Variants in HTR1E observed in about 807,000 individuals in gnomAD.
HTR1E encodes the protein 5-hydroxytryptamine receptor 1E.
HTR1E carries 3 observed loss-of-function variants against 3.4 expected under a neutral mutation model. The ratio of observed to expected loss-of-function variants is 0.89; its 90% CI spans 0.41 to 2.31. HTR1E has a LOEUF of 2.31. Ranked by LOEUF, HTR1E falls within the 30% of genes most tolerant of loss-of-function variation. The pLI is 0.05. For synonymous variants in HTR1E, 170 were observed against 182.8 expected (o/e 0.93, Z 0.56); for missense variants, 392 against 467.0 (o/e 0.84, Z 1.48).
intron 1 of HTR1E, among the ~76,000 whole-genome samples, chr6:86,949,351 G>A (rs1030047563): frequency 7.2e-5 from 11 of 152,202 alleles, no homozygotes; most frequent in South Asian, 4.1e-4. Context: ...CTACGTAAGT[G>A]TGTCCCTGCT....
At chr6:86,998,481 G>A (rs1767975107) in intron 1 of HTR1E, among the ~76,000 whole-genome samples, 1 of 152,042 alleles carries the variant, frequency 6.6e-6, no homozygotes, top group African/African-American at 2.4e-5. Context: ...TAAATATTGT[G>A]TAAGTCAAAT....
intron 1 of HTR1E, among the ~76,000 whole-genome samples, chr6:86,961,206 T>G (rs1221772954): frequency 1.3e-5 from 2 of 152,198 alleles, no homozygotes; most frequent in East Asian, 3.8e-4. Context: ...CTTGTTGCTA[T>G]GGAAGTCAAA....
At position 87,009,990 on chromosome 6, in the gene HTR1E, G is replaced by T. The variant is rs1294152944; in HGVS notation, c.-185-5160G>T. On this transcript the variant is annotated intron_variant, in intron 1 of 1. Coordinates refer to ENST00000305344, the MANE Select transcript of HTR1E (RefSeq NM_000865.3). The stretch of plus-strand genomic sequence containing the variant: ...GAGGCGCCCCTCACCTCCCAGACGG[G>T]GTGGCTGGCCGGGCGGAGGGCTGAC... 3.0e-5 allele frequency among the ~76,000 whole-genome samples: 4 copies of T among 131,360 alleles called. No homozygotes were observed. The South Asian group carries it at 7.6e-4, about 25-fold the overall frequency. The allele number at this position is 131,360 out of a possible 152,430, so 86.2% of individuals were successfully genotyped here. A position where few individuals can be genotyped will look rare whatever the true frequency, so the allele number is the denominator to read the frequency against.
chr6:86,945,995 T>C (rs1197547528), intron 1 of HTR1E, among the ~76,000 whole-genome samples: 1 of 152,182 alleles, frequency 6.6e-6, no homozygotes, highest in Non-Finnish European at 1.5e-5. Context: ...TGCCTCGGCC[T>C]CCCAAAGTGC....
chr6:86,938,594 C>T (rs773881862), intron 1 of HTR1E, among the ~76,000 whole-genome samples: 1 of 152,132 alleles, frequency 6.6e-6, no homozygotes, highest in Non-Finnish European at 1.5e-5. Context: ...GAAGAAAGGA[C>T]CTTGTATTCA....
At chr6:86,959,057 G>C (rs913087862) in intron 1 of HTR1E, among the ~76,000 whole-genome samples, 5 of 151,682 alleles carry the variant, frequency 3.3e-5, no homozygotes, top group African/African-American at 1.2e-4. Flanking sequence ...AAATCTGCAG[G>C]GTAGGCAGGT....
At chr6:87,011,665 AT>A (rs1768239382) in intron 1 of HTR1E, among the ~76,000 whole-genome samples, 1 of 151,992 alleles carries the variant, frequency 6.6e-6, no homozygotes, top group Non-Finnish European at 1.5e-5. Context: ...GCTATTTTCT[AT>A]TTTTTCCCTT....
At chr6:87,009,268 C>G (rs942830237) in intron 1 of HTR1E, among the ~76,000 whole-genome samples, 1 of 149,624 alleles carries the variant, frequency 6.7e-6, no homozygotes, top group Non-Finnish European at 1.5e-5. Flanking sequence ...TGACTCTTAA[C>G]GAGCATGCTG....
At chr6:87,000,707 A>G (rs997032045) in intron 1 of HTR1E, among the ~76,000 whole-genome samples, 6 of 152,248 alleles carry the variant, frequency 3.9e-5, no homozygotes, top group African/African-American at 1.4e-4. Context: ...ACAATAGCTG[A>G]GGGATTTCAT....
At chr6:86,977,325 T>C (rs1047688549) in intron 1 of HTR1E, among the ~76,000 whole-genome samples, 1 of 152,236 alleles carries the variant, frequency 6.6e-6, no homozygotes, top group African/African-American at 2.4e-5. Flanking sequence ...CTTAGGATTA[T>C]GGCCCCCAGC....
chr6:87,014,886 T>C (rs1768294396), intron 1 of HTR1E, among the ~76,000 whole-genome samples: 1 of 152,066 alleles, frequency 6.6e-6, no homozygotes, highest in African/African-American at 2.4e-5. Flanking sequence ...CAAACCACCA[T>C]GGCACATGTA....
intron 1 of HTR1E, among the ~76,000 whole-genome samples, chr6:87,000,763 T>C (rs753895165): frequency 6.6e-6 from 1 of 152,144 alleles, no homozygotes; most frequent in Non-Finnish European, 1.5e-5. Context: ...AGTTCTTCAA[T>C]CTGAAAGGGG....
Position 87,010,307 on chromosome 6 carries a change from C to T in HTR1E, c.-185-4843C>T, listed in dbSNP as rs866018065. Among the ~76,000 whole-genome samples, 213 of 84,636 alleles carry T rather than the reference C, an allele frequency of 2.5e-3. 4 individuals carry two copies. The highest frequency in any genetic ancestry group is 0.012 in the Middle Eastern group (1 of 86). 55.5% of individuals were successfully genotyped at this position (84,636 alleles called of 152,430 possible). On this transcript the variant is annotated intron_variant, in intron 1 of 1. Coordinates refer to ENST00000305344, the MANE Select transcript of HTR1E (RefSeq NM_000865.3). Reference sequence around the variant, plus strand: ...CTCCCGGACGGGGCGGCTGGCCGGGCGGGGGGGCTGACCCCCCCCACCTCC... The same window carrying T: ...CTCCCGGACGGGGCGGCTGGCCGGGTGGGGGGGCTGACCCCCCCCACCTCC...
intron 1 of HTR1E, among the ~76,000 whole-genome samples, chr6:87,014,075 A>G (rs1768278930): frequency 1.3e-5 from 2 of 152,084 alleles, no homozygotes; most frequent in African/African-American, 2.4e-5. Context: ...ACACCTGGAC[A>G]CAGGGCAGGG....
chr6:86,955,140 A>G (rs1049722148), intron 1 of HTR1E, among the ~76,000 whole-genome samples: 6 of 152,168 alleles, frequency 3.9e-5, no homozygotes, highest in Admixed American at 3.3e-4. Flanking sequence ...CACTGGCACC[A>G]TGGCTTATTT....
chr6:86,966,318 G>A (rs1226160302), intron 1 of HTR1E, among the ~76,000 whole-genome samples: 2 of 152,142 alleles, frequency 1.3e-5, no homozygotes, highest in African/African-American at 4.8e-5. Flanking sequence ...TTTTAGGAAA[G>A]TTAATGTTAT....
intron 1 of HTR1E, among the ~76,000 whole-genome samples, chr6:86,975,880 A>G (rs1767628605): frequency 6.7e-6 from 1 of 149,806 alleles, no homozygotes; most frequent in Non-Finnish European, 1.5e-5. Context: ...TTTTTATTAA[A>G]TCTCACCTTC....
intron 1 of HTR1E, among the ~76,000 whole-genome samples, chr6:86,947,097 CAA>C (rs1039566486): frequency 6.6e-6 from 1 of 151,644 alleles, no homozygotes; most frequent in African/African-American, 2.4e-5. Context: ...GCCTGGGCAA[CAA>C]GAGCGAAACT....
chr6:86,979,935 G>C (rs552262489), intron 1 of HTR1E, among the ~76,000 whole-genome samples: 260 of 152,180 alleles, frequency 1.7e-3, no homozygotes, highest in Admixed American at 4.6e-3. Context: ...CGGTCCACCT[G>C]CAGCACCACA....
Sources: allele counts gnomAD v4.1 joint callset (sites outside exome capture counted in the v4.1 genomes callset), GRCh38; gene constraint gnomAD v4.1.1; transcripts MANE v1.5; gene names NCBI Gene and HGNC (gene_info 2026-07-23, HGNC 2026-07-21).